CHORDC1: variants seen among roughly 807,000 people sequenced by gnomAD.
The protein encoded by CHORDC1 is cysteine and histidine rich domain containing 1, also known as cysteine and histidine-rich domain-containing protein 1.
In CHORDC1, 25 loss-of-function variants were observed where a neutral mutation model predicts 48.3. The ratio of observed to expected loss-of-function variants is 0.52; its 90% CI spans 0.38 to 0.72. CHORDC1 has a LOEUF of 0.72. Ranked by LOEUF, CHORDC1 falls within the 30% of genes least tolerant of loss-of-function variation. The pLI, the probability that CHORDC1 is intolerant of heterozygous loss-of-function variation, is 0.00. For synonymous variants in CHORDC1, 128 were observed against 126.4 expected, an observed-to-expected ratio of 1.01 and a Z score of -0.09; for missense variants, 317 against 388.7, an observed-to-expected ratio of 0.82 and a Z score of 1.55.
chr11:90,220,481 T>C (rs1858138779), intron 1 of CHORDC1, among the ~76,000 whole-genome samples: 1 of 152,160 alleles, frequency 6.6e-6, no homozygotes, highest in Non-Finnish European at 1.5e-5. Flanking sequence ...ATAGATCCAG[T>C]ATTTTCAAAC....
rs1591045808 is a variant in CHORDC1 at position 90,201,274 on chromosome 11, G to C, written c.*1131C>G. On this transcript the variant is annotated 3_prime_UTR_variant, in exon 11 of 11. Transcript: ENST00000320585. Reference sequence around the variant, plus strand: ...TTCCCAAACTTTCTAAGTTCTTCCAGAGTTCTGGCCTTCAGAATATTTCCT... The same window carrying C: ...TTCCCAAACTTTCTAAGTTCTTCCACAGTTCTGGCCTTCAGAATATTTCCT... 1 of 151,746 alleles carries C rather than the reference G, an allele frequency of 6.6e-6. No homozygotes were observed. Among genetic ancestry groups the C allele is most frequent in the South Asian group, 2.1e-4 (1 of 4,814 alleles). The allele number at this position is 151,746 out of a possible 1,614,324, so 9.4% of individuals were successfully genotyped here.
rs141093788 is a variant in CHORDC1 at position 90,214,078 on chromosome 11, G to A, written c.269C>T (p.Pro90Leu). Residue 90 changes from proline to leucine, a missense_variant, in exon 4 of 11, where the codon CCC (proline) becomes CTC (leucine). By Grantham distance (98) the Pro-to-Leu change is moderately conservative. Coordinates refer to ENST00000320585, the MANE Select transcript of CHORDC1 (RefSeq NM_012124.3). ...TEKKELCELK[P>L]KFQEHIIQAP... The stretch of plus-strand genomic sequence containing the variant: ...TTGAATGATGTGTTCCTGAAATTTG[G>A]GTTTTAATTCACATAGCTCCTTCTT... The A allele has an allele frequency of 2.1e-4, 342 of 1,613,262 alleles. No individual in the cohort carries two copies. Among genetic ancestry groups the A allele is most frequent in the Non-Finnish European group, 2.8e-4 (333 of 1,179,554 alleles).
chr11:90,218,920 A>C (rs1404386025), intron 1 of CHORDC1, among the ~76,000 whole-genome samples: 1 of 151,720 alleles, frequency 6.6e-6, no homozygotes. Context: ...TGCCTTCCCC[A>C]AGTGTGCATT....
intron 1 of CHORDC1, 21 bp downstream of exon 1, chr11:90,222,870 C>T (rs753389472): frequency 5.6e-6 from 9 of 1,611,060 alleles, no homozygotes; most frequent in Non-Finnish European, 6.8e-6. Context: ...GGAGGGAGGG[C>T]TGGCGGCGCG....
rs1858071065 is a variant in CHORDC1 at position 90,218,264 on chromosome 11, G to A, written c.65-80C>T. The A allele has an allele frequency of 3.8e-6, 4 of 1,045,720 alleles. No individual in the cohort carries two copies. In the East Asian group the frequency reaches 8.5e-5, roughly 22 times the overall value. The allele number at this position is 1,045,720 out of a possible 1,614,324, so 64.8% of individuals were successfully genotyped here. ...ATATACATGATCATCTCCTTAAGGT[G>A]TTAACCTTTAATCCTTTTTCCAAAC... is the stretch of plus-strand genomic sequence containing the variant. On this transcript the variant is annotated intron_variant, in intron 1 of 10. Transcript: ENST00000320585.
At chr11:90,208,841 T>A (rs1227974723) in intron 6 of CHORDC1, 1 of 152,178 alleles carries the variant, frequency 6.6e-6, no homozygotes, top group East Asian at 1.9e-4. Flanking sequence ...GACTAAAAAA[T>A]TCTTCAATTT....
rs538894172 is a variant in CHORDC1 at position 90,215,289 on chromosome 11, TA to T, written c.115-60del. 8,576 of 1,125,972 alleles carry T rather than the reference TA, an allele frequency of 7.6e-3. 55 individuals are homozygous for T. Among genetic ancestry groups the T allele is most frequent in the Middle Eastern group, 0.02 (102 of 5,048 alleles). The allele number at this position is 1,125,972 out of a possible 1,614,324, so 69.7% of individuals were successfully genotyped here. On this transcript the variant is annotated intron_variant, in intron 2 of 10. Coordinates refer to ENST00000320585, the MANE Select transcript of CHORDC1 (RefSeq NM_012124.3). ...TATTTGCATGAGAAACACGACCCAC[TA>T]AAACACTCTACTTGCACTTATCTAC...
intron 4 of CHORDC1, chr11:90,213,473 A>C: frequency 1.5e-6 from 1 of 670,518 alleles, no homozygotes; most frequent in Non-Finnish European, 2.7e-6. Flanking sequence ...GAGTCTGGTT[A>C]TCAGAAGGCA....
intron 10 of CHORDC1, 119 bp downstream of exon 10, chr11:90,202,694 G>C (rs1334142924): frequency 7.2e-7 from 1 of 1,386,678 alleles, no homozygotes; most frequent in Admixed American, 2.5e-5. Context: ...TTTTTGGTAG[G>C]ATACACTGTT....
At chr11:90,222,483 C>G (rs1009374360) in intron 1 of CHORDC1, 47 of 376,520 alleles carry the variant, frequency 1.2e-4, no homozygotes, top group African/African-American at 1.0e-3. Flanking sequence ...CGCAGGCAAT[C>G]ACAGCCATCA....
intron 1 of CHORDC1, 81 bp from the exon 2 acceptor site, chr11:90,218,265 T>C (rs1858071128): frequency 3.9e-6 from 4 of 1,031,958 alleles, no homozygotes; most frequent in Non-Finnish European, 5.6e-6. Context: ...CCTTAAGGTG[T>C]TAACCTTTAA....
rs1857526088 is a variant in CHORDC1 at position 90,200,730 on chromosome 11, T to G, written c.*1675A>C. ...AATAACTCACTGCTTCAAATAATAT[T>G]TCAATTACATGTAACAGATTAAGAT... On this transcript the variant is annotated 3_prime_UTR_variant, in exon 11 of 11. Coordinates refer to ENST00000320585, the MANE Select transcript of CHORDC1 (RefSeq NM_012124.3). Among the ~76,000 whole-genome samples the G allele has an allele frequency of 6.6e-6, 1 of 151,926 alleles. No homozygotes were observed. The highest frequency in any genetic ancestry group is 2.1e-4 in the South Asian group (1 of 4,816).
In CHORDC1 at chr11:90,218,130, C is replaced by G; in HGVS notation, c.114+5G>C. The G allele has an allele frequency of 6.4e-7, 1 of 1,565,124 alleles. No individual in the cohort carries two copies. Among genetic ancestry groups the G allele is most frequent in the Non-Finnish European group, 8.6e-7 (1 of 1,158,858 alleles). On this transcript the variant is annotated splice_donor_5th_base_variant and intron_variant, in intron 2 of 10. Coordinates refer to ENST00000320585, the MANE Select transcript of CHORDC1 (RefSeq NM_012124.3). The stretch of plus-strand genomic sequence containing the variant: ...ATATGAAAAAAATGAAAATATAGTT[C>G]CTACCTTTAATGCATCGTGAAAGAC...
chr11:90,202,732 T>C, intron 10 of CHORDC1, 81 bp downstream of exon 10: 1 of 1,475,368 alleles, frequency 6.8e-7, no homozygotes, highest in Non-Finnish European at 9.2e-7. Context: ...TTTGCATCAA[T>C]GTTTACTGAA....
intron 8 of CHORDC1, 120 bp from the exon 9 acceptor site, chr11:90,203,547 T>C (rs1857593600): frequency 1.2e-6 from 1 of 834,808 alleles, no homozygotes; most frequent in Non-Finnish European, 1.7e-6. Context: ...ACTTAATGTT[T>C]AAGGGCAAAA....
chr11:90,209,925 T>C (rs949270476), intron 6 of CHORDC1, among the ~76,000 whole-genome samples: 2 of 152,156 alleles, frequency 1.3e-5, no homozygotes, highest in African/African-American at 4.8e-5. Flanking sequence ...AAATACCTCA[T>C]CATGGCTTAA....
chr11:90,216,015 CCTGTAGGTT>C (rs1858004226), intron 2 of CHORDC1, among the ~76,000 whole-genome samples: 1 of 152,022 alleles, frequency 6.6e-6, no homozygotes, highest in Non-Finnish European at 1.5e-5. Flanking sequence ...ATTATATGCA[CCTGTAGGTT>C]CTTTTTCTTT....
chr11:90,211,776 T>A (rs1240160605), intron 4 of CHORDC1: 1 of 155,124 alleles, frequency 6.4e-6, no homozygotes, highest in African/African-American at 2.4e-5. Context: ...CACTGGCATA[T>A]GGATCTGTAA....
chr11:90,217,942 G>C, intron 2 of CHORDC1, 193 bp downstream of exon 2: 1 of 386,010 alleles, frequency 2.6e-6, no homozygotes, highest in Non-Finnish European at 4.7e-6. Context: ...TTTATAACTG[G>C]AAAAGACCTT....
Sources: gnomAD v4.1 joint callset for allele counts (sites outside exome capture counted in the v4.1 genomes callset) on GRCh38, gnomAD v4.1.1 for gene constraint, MANE v1.5 for transcripts, NCBI Gene and HGNC (gene_info 2026-07-23, HGNC 2026-07-21) for gene names.